DRC1: variants seen among roughly 807,000 people sequenced by gnomAD.
DRC1 encodes the protein dynein regulatory complex subunit 1.
DRC1 carries 74 observed loss-of-function variants against 98.7 expected under a neutral mutation model. The observed-to-expected ratio is 0.75, with a 90% CI of 0.62 to 0.91. The LOEUF is 0.91. Among genes scored for constraint, DRC1 ranks in the 40% least tolerant of loss-of-function variants. The probability of loss-of-function intolerance (pLI) is 0.00; values close to 1 mark genes in which losing one functional copy is unlikely to be tolerated. For synonymous variants in DRC1, 336 were observed against 334.1 expected, an observed-to-expected ratio of 1.01 and a Z score of -0.06; for missense variants, 875 against 886.0, an observed-to-expected ratio of 0.99 and a Z score of 0.16.
intron 7 of DRC1, among the ~76,000 whole-genome samples, chr2:26,439,690 C>T (rs1014706983): frequency 1.3e-4 from 19 of 151,652 alleles, no homozygotes; most frequent in African/African-American, 4.6e-4. Flanking sequence ...AAGGGTCTGG[C>T]GGAAGTTAGC....
chr2:26,450,461 G>A (rs1221050697), intron 12 of DRC1, 131 bp from the exon 13 acceptor site: 37 of 746,452 alleles, frequency 5.0e-5, no homozygotes, highest in Admixed American at 9.8e-5. Flanking sequence ...GTTCACAGTC[G>A]CTTCCCAGCG....
intron 5 of DRC1, chr2:26,430,384 C>T (rs1216152601): frequency 1.5e-5 from 6 of 403,206 alleles, no homozygotes; most frequent in South Asian, 3.9e-5. Context: ...CCTAAACCTA[C>T]CCCTTGTGAG....
intron 16 of DRC1, among the ~76,000 whole-genome samples, chr2:26,455,660 C>T (rs1299308421): frequency 1.3e-5 from 2 of 152,244 alleles, no homozygotes; most frequent in South Asian, 2.1e-4. Context: ...GAGTTTGCAA[C>T]TCGTCCAGAG....
At position 26,446,565 on chromosome 2, in the gene DRC1, AT is replaced by A. The variant is rs148719065; in HGVS notation, c.1396+1620del. On this transcript the variant is annotated intron_variant, in intron 10 of 16. Transcript: ENST00000288710. ...TCATCAACAGGATGCCAGGATTTTT[AT>A]TTAACAGTATCAAAGTGTATCCCCT... 4.9e-3 allele frequency among the ~76,000 whole-genome samples: 750 copies of A among 152,244 alleles called. 4 individuals are homozygous for A. The highest frequency in any genetic ancestry group is 7.2e-3 in the Non-Finnish European group (490 of 68,024).
chr2:26,438,753 C>G (rs1363638986), intron 7 of DRC1, among the ~76,000 whole-genome samples: 1 of 152,184 alleles, frequency 6.6e-6, no homozygotes, highest in East Asian at 1.9e-4. Flanking sequence ...CTGTGATAGC[C>G]ACTTGGAATC....
chr2:26,428,123 A>T (rs2147989718), intron 4 of DRC1, among the ~76,000 whole-genome samples: 1 of 152,370 alleles, frequency 6.6e-6, no homozygotes, highest in Middle Eastern at 3.4e-3. Context: ...TGCATATAAG[A>T]TCATGTCATC....
intron 4 of DRC1, among the ~76,000 whole-genome samples, chr2:26,426,220 A>G (rs542303736): frequency 1.2e-4 from 18 of 152,216 alleles, no homozygotes; most frequent in African/African-American, 3.1e-4. Flanking sequence ...TGTATCATTC[A>G]TTTATCATTT....
chr2:26,452,854 C>T (rs903497063), intron 13 of DRC1, among the ~76,000 whole-genome samples: 5 of 152,098 alleles, frequency 3.3e-5, no homozygotes, highest in Admixed American at 1.3e-4. Flanking sequence ...GAAAGGTATG[C>T]GCATGTATTT....
chr2:26,413,971 G>A lies in DRC1; in HGVS notation c.156-373G>A, dbSNP rs112595568. On this transcript the variant is annotated intron_variant, in intron 1 of 16. Coordinates refer to ENST00000288710, the MANE Select transcript of DRC1 (RefSeq NM_145038.5). Reference sequence around the variant, plus strand: ...AGTGTCTCTCTATGTTGCCCAGGCTGGTCTCAAACTCCTGATTTAAAGCAG... The same window carrying A: ...AGTGTCTCTCTATGTTGCCCAGGCTAGTCTCAAACTCCTGATTTAAAGCAG... Among the ~76,000 whole-genome samples, 96 of 151,612 alleles carry A rather than the reference G, an allele frequency of 6.3e-4. 2 individuals are homozygous for A. The highest frequency in any genetic ancestry group is 1.6e-4 in the Non-Finnish European group (11 of 67,942).
At chr2:26,450,749 C>CT (rs1459183034) in intron 13 of DRC1, 68 bp downstream of exon 13, 2 of 1,343,836 alleles carry the variant, frequency 1.5e-6, no homozygotes, top group African/African-American at 3.0e-5. Flanking sequence ...TTTTATTATA[C>CT]TTTAAGTTCT....
At chr2:26,418,735 T>G (rs1310530579) in intron 2 of DRC1, among the ~76,000 whole-genome samples, 1 of 119,338 alleles carries the variant, frequency 8.4e-6, no homozygotes, top group Admixed American at 1.1e-4. Flanking sequence ...TTATATTTAA[T>G]TTATATATAA....
rs776929224 is a variant in DRC1, at chr2:26,453,355, G to A, written c.1725G>A (p.Ala575=). The A allele has an allele frequency of 1.6e-4, 255 of 1,613,932 alleles. No individual in the cohort carries two copies. The highest frequency in any genetic ancestry group is 6.2e-4 in the Admixed American group (37 of 59,994). ...GCAGTCAGGCGAGCATGGAGAAGGC[G>A]AGCATGGAGGAGACAAGCACGAGGT... The part of the protein sequence containing the change: ...KPCSQASMEK[A]SMEETSTRSE... The change falls in exon 14 of 17, where the codon GCG becomes GCA. Residue 575 remains alanine, a synonymous_variant. Transcript: ENST00000288710.
rs3172008 is a variant in DRC1, at chr2:26,455,172, G to C, written c.2105G>C (p.Ser702Thr). 6.2e-7 allele frequency: 1 copy of C among 1,613,986 alleles called. No homozygotes were observed. The highest frequency in any genetic ancestry group is 1.3e-5 in the African/African-American group (1 of 74,934). The change falls in exon 16 of 17, where the codon AGT becomes ACT. Residue 702 changes from serine (S) to threonine (T), a missense_variant. Coordinates refer to ENST00000288710, the MANE Select transcript of DRC1 (RefSeq NM_145038.5). ...AGGGCCAAGCTGCTGCTGGAAAACA[G>C]TTCTCTGGAGCAGCAGAACACAGAG... ...TQRAKLLLENSSLEQQNTELQ... is the reference protein window; with the variant it reads ...TQRAKLLLENTSLEQQNTELQ...
intron 10 of DRC1, among the ~76,000 whole-genome samples, chr2:26,445,976 T>A (rs1663840989): frequency 1.3e-5 from 2 of 152,076 alleles, no homozygotes; most frequent in East Asian, 3.9e-4. Context: ...TAGTTTTTTT[T>A]AACAGCGTCC....
rs546372100 is a variant in DRC1 at position 26,402,863 on chromosome 2, G to A, written c.155+719G>A. On this transcript the variant is annotated intron_variant, in intron 1 of 16. Transcript: ENST00000288710. ...CTCGCTCACCCTGGCTGATTGCTGC[G>A]GGGCCATCAGTGGAATGCAGGGGCC... Among the ~76,000 whole-genome samples the A allele has an allele frequency of 2.6e-5, 4 of 152,270 alleles. No homozygotes were observed. In the East Asian group the frequency reaches 7.7e-4, roughly 29 times the overall value.
chr2:26,431,709 T>C (rs1439157314), intron 6 of DRC1, among the ~76,000 whole-genome samples, 175 bp from the exon 7 acceptor site: 3 of 152,048 alleles, frequency 2.0e-5, no homozygotes, highest in African/African-American at 7.2e-5. Context: ...CATTAGGCAA[T>C]ACAAGCCAAG....
intron 8 of DRC1, among the ~76,000 whole-genome samples, chr2:26,442,331 C>T (rs958042444): frequency 2.6e-5 from 4 of 152,330 alleles, no homozygotes; most frequent in Admixed American, 6.5e-5. Context: ...AAAAACTTCC[C>T]ACAGTAGGAT....
chr2:26,401,989 C>T lies in DRC1; in HGVS notation c.-1C>T, dbSNP rs1370333027. On this transcript the variant is annotated 5_prime_UTR_variant, in exon 1 of 17. Transcript: ENST00000288710. ...CCGCCTAGGGACCAGGGACTCCTGC[C>T]ATGAATCCGCCGGGGTCCCTAGAGG... is the stretch of plus-strand genomic sequence containing the variant. 1 of 1,601,024 alleles carries T rather than the reference C, an allele frequency of 6.2e-7. No individual in the cohort carries two copies. The highest frequency in any genetic ancestry group is 1.3e-5 in the African/African-American group (1 of 74,730).
At chr2:26,414,307 G>T (rs368911742) in intron 1 of DRC1, 37 bp from the exon 2 acceptor site, 16 of 1,607,656 alleles carry the variant, frequency 1.0e-5, no homozygotes, top group African/African-American at 1.3e-5. Context: ...TTACGTATTA[G>T]AAATAACTTC....
Sources: allele counts gnomAD v4.1 joint callset (sites outside exome capture counted in the v4.1 genomes callset), GRCh38; gene constraint gnomAD v4.1.1; transcripts MANE v1.5; gene names NCBI Gene and HGNC (gene_info 2026-07-23, HGNC 2026-07-21).